Variants in ZC3H12B observed in about 807,000 individuals in gnomAD.
ZC3H12B encodes the protein probable ribonuclease ZC3H12B.
A neutral mutation model predicts 43.9 loss-of-function variants in ZC3H12B; 7 were observed. The ratio of observed to expected loss-of-function variants is 0.16; its 90% CI spans 0.09 to 0.30. ZC3H12B has a LOEUF of 0.30. Ranked by LOEUF, ZC3H12B falls within the 10% of genes least tolerant of loss-of-function variation. The pLI, the probability that ZC3H12B is intolerant of heterozygous loss-of-function variation, is 1.00. For missense variants in ZC3H12B, 475 were observed against 670.2 expected (o/e 0.71, Z 3.22); for synonymous variants, 222 against 241.7 (o/e 0.92, Z 0.76).
At chrX:65,353,050 T>C in the ZC3H12B span, among the ~76,000 whole-genome samples, 1 of 109,968 alleles carries the variant, frequency 9.1e-6, no homozygotes, top group African/African-American at 3.3e-5. Flanking sequence ...GCGTATGGGA[T>C]TTCACCATGT....
At chrX:65,138,859 A>T in the ZC3H12B span, among the ~76,000 whole-genome samples, 1 of 112,151 alleles carries the variant, frequency 8.9e-6, no homozygotes, top group East Asian at 2.8e-4. Context: ...TCACCTCTTC[A>T]TGTACCTGTT....
At position 65,462,284 on chromosome X, in the gene ZC3H12B, G is replaced by A. The variant is rs1418878812; in HGVS notation, n.408-26362G>A. Among the ~76,000 whole-genome samples, 3 of 111,189 alleles carry A rather than the reference G, an allele frequency of 2.7e-5. No individual in the cohort carries two copies. The Admixed American group carries it at 2.9e-4, about 11-fold the overall frequency. On this transcript the variant is annotated intron_variant and non_coding_transcript_variant, in intron 3 of 5. Transcript: ENST00000617377. ...CCAGCACTTTGGGAGGCCAGGGCGG[G>A]TGGATCACATGAGGTCAGGAGTTTG...
chrX:65,212,322 T>TATATAATATATAA, the ZC3H12B span, among the ~76,000 whole-genome samples: 7 of 11,062 alleles, frequency 6.3e-4, no homozygotes, highest in Admixed American at 3.5e-3. Context: ...ATTATTATAT[T>TATATAATATATAA]TATATTATAT....
At chrX:65,250,002 T>C in the ZC3H12B span, among the ~76,000 whole-genome samples, 1 of 110,390 alleles carries the variant, frequency 9.1e-6, no homozygotes, top group Admixed American at 9.7e-5. Flanking sequence ...GTTTGTTACA[T>C]ATGTATACAT....
chrX:65,323,539 C>T, the ZC3H12B span, among the ~76,000 whole-genome samples: 1 of 112,397 alleles, frequency 8.9e-6, no homozygotes, highest in African/African-American at 3.2e-5. Context: ...TTTTTCATGG[C>T]TGCATAGTAT....
At chrX:65,055,721 C>CT in the ZC3H12B span, among the ~76,000 whole-genome samples, 1 of 111,131 alleles carries the variant, frequency 9.0e-6, no homozygotes, top group Non-Finnish European at 1.9e-5. Flanking sequence ...TGGTCCTGGT[C>CT]TTTTTTTGGT....
At chrX:65,350,601 C>T in the ZC3H12B span, among the ~76,000 whole-genome samples, 1 of 112,048 alleles carries the variant, frequency 8.9e-6, no homozygotes, top group African/African-American at 3.2e-5. Context: ...CCCAAATCTC[C>T]TTAAGCTGAT....
the ZC3H12B span, among the ~76,000 whole-genome samples, chrX:65,104,528 A>G: frequency 1.8e-5 from 2 of 112,051 alleles, no homozygotes; most frequent in South Asian, 3.7e-4. Context: ...CAAAGGTTTG[A>G]TATCCAAAAT....
At chrX:65,353,249 T>C in the ZC3H12B span, among the ~76,000 whole-genome samples, 1 of 111,418 alleles carries the variant, frequency 9.0e-6, no homozygotes, top group South Asian at 3.9e-4. Flanking sequence ...ATGTGTGTGT[T>C]CTGAAACACA....
the ZC3H12B span, among the ~76,000 whole-genome samples, chrX:65,121,737 A>T: frequency 9.1e-6 from 1 of 110,002 alleles, no homozygotes; most frequent in Admixed American, 9.7e-5. Context: ...TTTAATTGTG[A>T]TGTTAAGGTG....
chrX:65,201,272 C>A, the ZC3H12B span, among the ~76,000 whole-genome samples: 1 of 111,328 alleles, frequency 9.0e-6, no homozygotes. Flanking sequence ...CTTGTTCAGT[C>A]TTGAGAAGGT....
chrX:65,142,226 G>T, the ZC3H12B span, among the ~76,000 whole-genome samples: 1 of 111,996 alleles, frequency 8.9e-6, no homozygotes. Context: ...TCACATGCTG[G>T]TTTTGATTTG....
the ZC3H12B span, among the ~76,000 whole-genome samples, chrX:65,040,372 GTT>G: frequency 1.3e-4 from 11 of 85,633 alleles, no homozygotes; most frequent in African/African-American, 4.1e-4. Context: ...ATCATTAACT[GTT>G]TTTTTTTTTT....
the ZC3H12B span, among the ~76,000 whole-genome samples, chrX:65,238,890 G>A: frequency 4.5e-5 from 5 of 111,571 alleles, no homozygotes; most frequent in Non-Finnish European, 9.4e-5. Flanking sequence ...GTAGTTGTTT[G>A]GTTTTCCATG....
At chrX:65,470,653 G>T (rs1465003563) in intron 3 of ZC3H12B, among the ~76,000 whole-genome samples, 1 of 111,258 alleles carries the variant, frequency 9.0e-6, no homozygotes, top group Non-Finnish European at 1.9e-5. Flanking sequence ...ACCCACTCAT[G>T]AGTGCCTTCT....
chrX:65,463,190 G>A (rs988540001), intron 3 of ZC3H12B, among the ~76,000 whole-genome samples: 9 of 111,405 alleles, frequency 8.1e-5, no homozygotes, highest in African/African-American at 2.9e-4. Context: ...CTGGGTAATG[G>A]GATTAAACAT....
At chrX:65,349,389 C>T in the ZC3H12B span, among the ~76,000 whole-genome samples, 1 of 111,949 alleles carries the variant, frequency 8.9e-6, no homozygotes, top group Non-Finnish European at 1.9e-5. Flanking sequence ...GTTTATAGCA[C>T]TAAATGCCCA....
intron 2 of ZC3H12B, among the ~76,000 whole-genome samples, chrX:65,386,483 A>G (rs894310486): frequency 3.6e-5 from 4 of 111,579 alleles, no homozygotes; most frequent in African/African-American, 1.3e-4. Flanking sequence ...CTGTGGTATC[A>G]GTGGTGATAT....
At chrX:65,316,814 A>G in the ZC3H12B span, among the ~76,000 whole-genome samples, 1 of 111,872 alleles carries the variant, frequency 8.9e-6, no homozygotes, top group Non-Finnish European at 1.9e-5. Context: ...TTTGAAAGTA[A>G]AAGGGCTAAA....
Sources: gnomAD v4.1 joint callset for allele counts (sites outside exome capture counted in the v4.1 genomes callset) on GRCh38, gnomAD v4.1.1 for gene constraint, MANE v1.5 for transcripts, NCBI Gene and HGNC (gene_info 2026-07-23, HGNC 2026-07-21) for gene names.